The following PDE4B variants were observed in gnomAD, a reference collection of about 807,000 sequenced individuals.
The protein encoded by PDE4B is 3',5'-cyclic-AMP phosphodiesterase 4B.
In PDE4B, 20 loss-of-function variants were observed where a neutral mutation model predicts 82.2. That is an observed-to-expected ratio of 0.24 (90% confidence interval 0.17 to 0.35). The LOEUF (loss-of-function observed/expected upper bound fraction) is 0.35. Among genes scored for constraint, PDE4B ranks in the 10% least tolerant of loss-of-function variants. The probability of loss-of-function intolerance (pLI) is 1.00; values close to 1 mark genes in which losing one functional copy is unlikely to be tolerated. For missense variants in PDE4B, 655 were observed against 907.2 expected, an observed-to-expected ratio of 0.72 and a Z score of 3.57; for synonymous variants, 320 against 318.9, an observed-to-expected ratio of 1.00 and a Z score of -0.04.
chr1:65,914,977 A>T (rs1265063598), intron 2 of PDE4B, among the ~76,000 whole-genome samples: 1 of 152,244 alleles, frequency 6.6e-6, no homozygotes, highest in African/African-American at 2.4e-5. Flanking sequence ...TTGAATATAC[A>T]GTGCAATACA....
chr1:66,251,099 C>T (rs912207974), intron 4 of PDE4B, among the ~76,000 whole-genome samples: 1 of 152,232 alleles, frequency 6.6e-6, no homozygotes, highest in Admixed American at 6.5e-5. Context: ...ATCACACTTA[C>T]TAGCACCATG....
chr1:65,974,458 A>G (rs1054077766), intron 3 of PDE4B, among the ~76,000 whole-genome samples: 3 of 152,204 alleles, frequency 2.0e-5, no homozygotes, highest in Non-Finnish European at 4.4e-5. Flanking sequence ...TCACTCTACA[A>G]TGCTTGGGTG....
intron 1 of PDE4B, among the ~76,000 whole-genome samples, chr1:65,861,165 G>T (rs969004290): frequency 6.6e-6 from 1 of 152,146 alleles, no homozygotes; most frequent in African/African-American, 2.4e-5. Context: ...TTCTTCTATG[G>T]TTTTTATGGT....
At chr1:66,052,597 T>C (rs933025715) in intron 3 of PDE4B, among the ~76,000 whole-genome samples, 1 of 150,466 alleles carries the variant, frequency 6.6e-6, no homozygotes, top group Non-Finnish European at 1.5e-5. Flanking sequence ...TTCTTTCCTC[T>C]TCTGTTTCTT....
chr1:66,082,877 T>G (rs1055540842), intron 3 of PDE4B, among the ~76,000 whole-genome samples: 15 of 152,044 alleles, frequency 9.9e-5, no homozygotes, highest in African/African-American at 3.6e-4. Flanking sequence ...TTTTTCTGTA[T>G]GAGTTCAGAA....
intron 1 of PDE4B, among the ~76,000 whole-genome samples, chr1:65,818,564 T>C (rs1010400828): frequency 6.6e-6 from 1 of 151,776 alleles, no homozygotes; most frequent in Non-Finnish European, 1.5e-5. Flanking sequence ...TCTGTATAAA[T>C]ATTAGGAGAT....
chr1:66,088,194 C>T (rs1191402917), intron 3 of PDE4B, among the ~76,000 whole-genome samples: 1 of 151,900 alleles, frequency 6.6e-6, no homozygotes, highest in South Asian at 2.1e-4. Context: ...CACAGTGAAT[C>T]TGAAGATTCT....
intron 3 of PDE4B, among the ~76,000 whole-genome samples, chr1:66,034,031 T>G (rs1653941579): frequency 6.6e-6 from 1 of 151,646 alleles, no homozygotes; most frequent in Non-Finnish European, 1.5e-5. Context: ...GATCTTTGTG[T>G]TCTTCTTTGA....
At chr1:65,800,347 C>T (rs1020578459) in intron 1 of PDE4B, among the ~76,000 whole-genome samples, 4 of 152,162 alleles carry the variant, frequency 2.6e-5, no homozygotes, top group Non-Finnish European at 5.9e-5. Context: ...AAACTCAATG[C>T]AGAAAAATGG....
At chr1:66,176,947 G>T (rs1646942359) in intron 3 of PDE4B, among the ~76,000 whole-genome samples, 1 of 152,180 alleles carries the variant, frequency 6.6e-6, no homozygotes, top group South Asian at 2.1e-4. Flanking sequence ...TCCTTGCCAG[G>T]TTCCTGTCTA....
chr1:65,873,018 T>A (rs1239225100), intron 1 of PDE4B, among the ~76,000 whole-genome samples: 1 of 152,194 alleles, frequency 6.6e-6, no homozygotes, highest in Non-Finnish European at 1.5e-5. Flanking sequence ...GGGACTACTA[T>A]GTGCCGAGTA....
At chr1:66,365,449 C>T (rs1663165504) in intron 12 of PDE4B, among the ~76,000 whole-genome samples, 1 of 152,184 alleles carries the variant, frequency 6.6e-6, no homozygotes, top group Non-Finnish European at 1.5e-5. Context: ...AGCCTTTAGG[C>T]TTGATGTGAG....
In PDE4B at chr1:66,326,969, A is replaced by G. The variant is rs1208486447; in HGVS notation, c.635-5539A>G. Reference sequence around the variant, plus strand: ...GAGATCAGTGTAGTCATAAGATTACACTTCCCTGCACAGATTGCAGGGCCA... The same window carrying G: ...GAGATCAGTGTAGTCATAAGATTACGCTTCCCTGCACAGATTGCAGGGCCA... On this transcript the variant is annotated intron_variant, in intron 7 of 16. Coordinates refer to ENST00000341517, the MANE Select transcript of PDE4B (RefSeq NM_002600.4). 5.3e-5 allele frequency among the ~76,000 whole-genome samples: 8 copies of G among 152,190 alleles called. 1 individual carries two copies. Among genetic ancestry groups the G allele is most frequent in the Admixed American group, 4.6e-4 (7 of 15,282 alleles).
intron 3 of PDE4B, among the ~76,000 whole-genome samples, chr1:66,188,446 C>G (rs369529212): frequency 6.6e-6 from 1 of 151,972 alleles, no homozygotes; most frequent in East Asian, 1.9e-4. Flanking sequence ...GTTAAAGTCT[C>G]CCATTATTAT....
At chr1:66,271,730 A>G (rs564744291) in intron 7 of PDE4B, among the ~76,000 whole-genome samples, 4 of 152,206 alleles carry the variant, frequency 2.6e-5, no homozygotes, top group Non-Finnish European at 4.4e-5. Context: ...CATCTCCTGT[A>G]ATTGAGACCA....
At chr1:65,839,897 A>C (rs1168808415) in intron 1 of PDE4B, among the ~76,000 whole-genome samples, 1 of 152,178 alleles carries the variant, frequency 6.6e-6, no homozygotes. Flanking sequence ...AACAGTGTAA[A>C]AGTGTTCCTA....
intron 3 of PDE4B, among the ~76,000 whole-genome samples, chr1:65,957,839 A>G (rs949858569): frequency 1.4e-4 from 21 of 152,146 alleles, no homozygotes; most frequent in Non-Finnish European, 1.9e-4. Flanking sequence ...TCATGGAAAT[A>G]AAATTAGATT....
chr1:66,064,619 CTT>C (rs1260276776), intron 3 of PDE4B, among the ~76,000 whole-genome samples: 1 of 151,928 alleles, frequency 6.6e-6, no homozygotes, highest in African/African-American at 2.4e-5. Flanking sequence ...CTCATTGACT[CTT>C]TTCCTCAGGG....
At chr1:65,965,864 C>T (rs1649792279) in intron 3 of PDE4B, among the ~76,000 whole-genome samples, 1 of 152,102 alleles carries the variant, frequency 6.6e-6, no homozygotes, top group Non-Finnish European at 1.5e-5. Flanking sequence ...ATGCTAAAAG[C>T]TCTCAGTAAA....
Sources: gnomAD v4.1 joint callset for allele counts (sites outside exome capture counted in the v4.1 genomes callset) on GRCh38, gnomAD v4.1.1 for gene constraint, MANE v1.5 for transcripts, NCBI Gene and HGNC (gene_info 2026-07-23, HGNC 2026-07-21) for gene names.